Variants in HECW1 observed in about 807,000 individuals in gnomAD.
HECW1 encodes the protein HECT, C2 and WW domain containing E3 ubiquitin protein ligase 1, also known as E3 ubiquitin-protein ligase HECW1.
A neutral mutation model predicts 182.3 loss-of-function variants in HECW1; 61 were observed. The ratio of observed to expected loss-of-function variants is 0.33; its 90% CI spans 0.27 to 0.41. HECW1 has a LOEUF of 0.41. Ranked by LOEUF, HECW1 falls within the 10% of genes least tolerant of loss-of-function variation. HECW1 has a pLI of 1.00. For missense variants in HECW1, 1,739 were observed against 2,108.9 expected (o/e 0.82, Z 3.44); for synonymous variants, 859 against 832.6 (o/e 1.03, Z -0.55).
At chr7:43,252,166 T>A (rs1218447084) in intron 3 of HECW1, among the ~76,000 whole-genome samples, 1 of 152,168 alleles carries the variant, frequency 6.6e-6, no homozygotes, top group Non-Finnish European at 1.5e-5. Flanking sequence ...CTCATCACCC[T>A]TCCTTACTCC....
chr7:43,492,922 A>G (rs1242567963), intron 18 of HECW1, among the ~76,000 whole-genome samples, 162 bp from the exon 19 acceptor site: 1 of 152,184 alleles, frequency 6.6e-6, no homozygotes, highest in African/African-American at 2.4e-5. Flanking sequence ...TTATTATGTC[A>G]TATTTTAAAA....
At chr7:43,173,966 T>C (rs1791960261) in intron 2 of HECW1, among the ~76,000 whole-genome samples, 1 of 152,040 alleles carries the variant, frequency 6.6e-6, no homozygotes, top group Non-Finnish European at 1.5e-5. Flanking sequence ...GCTTCCCTAG[T>C]AGCTGGGACT....
At chr7:43,114,126 C>T in intron 1 of HECW1, 31 bp from the exon 2 acceptor site, 1 of 681,246 alleles carries the variant, frequency 1.5e-6, no homozygotes, top group Non-Finnish European at 2.2e-6. Context: ...GTGCAATTCT[C>T]CCCTTGTTTT....
chr7:43,463,451 A>C (rs1191121300), intron 13 of HECW1, among the ~76,000 whole-genome samples: 1 of 152,204 alleles, frequency 6.6e-6, no homozygotes, highest in East Asian at 1.9e-4. Flanking sequence ...CTTGAAACTC[A>C]TCATAGCTTG....
In HECW1 at chr7:43,130,796, G is replaced by A. The variant is rs78072289; in HGVS notation, c.-32+16405G>A. ...AATTTTCCACTTGTGGCATTATGTCGGCATTTAAAACATTTCAAACGTTGT... is the reference window on the plus strand; with the variant it reads ...AATTTTCCACTTGTGGCATTATGTCAGCATTTAAAACATTTCAAACGTTGT... On this transcript the variant is annotated intron_variant, in intron 2 of 29. Coordinates refer to ENST00000395891, the MANE Select transcript of HECW1 (RefSeq NM_015052.5). Among the ~76,000 whole-genome samples the A allele has an allele frequency of 1.9e-4, 29 of 152,178 alleles. No individual in the cohort carries two copies. In the East Asian group the frequency reaches 5.2e-3, roughly 27 times the overall value.
At chr7:43,182,926 T>A (rs1161642564) in intron 2 of HECW1, among the ~76,000 whole-genome samples, 1 of 88,322 alleles carries the variant, frequency 1.1e-5, no homozygotes, top group East Asian at 2.2e-4. Context: ...TAGAAATAGA[T>A]TTTTTTTTGG....
chr7:43,455,036 T>C (rs2152887544), intron 12 of HECW1, among the ~76,000 whole-genome samples: 1 of 152,358 alleles, frequency 6.6e-6, no homozygotes, highest in Admixed American at 6.5e-5. Context: ...CGTGAACACA[T>C]TGCTTCCAGC....
chr7:43,136,080 T>C (rs1224432613), intron 2 of HECW1, among the ~76,000 whole-genome samples: 1 of 152,066 alleles, frequency 6.6e-6, no homozygotes, highest in African/African-American at 2.4e-5. Flanking sequence ...CTTTTTTTTT[T>C]CTCAGTTTAT....
intron 5 of HECW1, among the ~76,000 whole-genome samples, chr7:43,338,214 T>C (rs945008364): frequency 1.3e-5 from 2 of 152,198 alleles, no homozygotes; most frequent in African/African-American, 4.8e-5. Flanking sequence ...TGGGATACCC[T>C]GCCTCCAGCC....
chr7:43,367,006 C>T (rs749145402), intron 6 of HECW1, among the ~76,000 whole-genome samples: 2 of 152,150 alleles, frequency 1.3e-5, no homozygotes, highest in Non-Finnish European at 2.9e-5. Context: ...ACTGTCTCTG[C>T]ACAAAGAGGG....
At chr7:43,228,563 A>G (rs1354297573) in intron 2 of HECW1, among the ~76,000 whole-genome samples, 1 of 152,212 alleles carries the variant, frequency 6.6e-6, no homozygotes, top group Non-Finnish European at 1.5e-5. Context: ...ATGGATCACC[A>G]GCTGGGTATA....
intron 2 of HECW1, among the ~76,000 whole-genome samples, chr7:43,221,480 GC>G (rs1796938751): frequency 7.0e-6 from 1 of 143,286 alleles, no homozygotes; most frequent in African/African-American, 2.5e-5. Flanking sequence ...GTAATGCTAA[GC>G]CTTGTGCACT....
At chr7:43,386,327 C>G (rs1271181675) in intron 6 of HECW1, among the ~76,000 whole-genome samples, 2 of 152,224 alleles carry the variant, frequency 1.3e-5, no homozygotes, top group East Asian at 1.9e-4. Context: ...TGGGGCCCAT[C>G]TTAGAATTCT....
chr7:43,405,622 G>A (rs1391335197), intron 7 of HECW1, among the ~76,000 whole-genome samples: 2 of 152,138 alleles, frequency 1.3e-5, no homozygotes, highest in Non-Finnish European at 2.9e-5. Context: ...CTGGTCATGT[G>A]TGCATCTTCT....
intron 6 of HECW1, among the ~76,000 whole-genome samples, chr7:43,361,625 T>C (rs1815922134): frequency 1.3e-5 from 2 of 152,152 alleles, no homozygotes; most frequent in African/African-American, 2.4e-5. Flanking sequence ...GCCATCTTCC[T>C]AAGTTACAAT....
chr7:43,445,072 G>A lies in HECW1; in HGVS notation c.1900G>A (p.Gly634Arg), dbSNP rs1022243886. The A allele has an allele frequency of 1.0e-5, 16 of 1,597,116 alleles. No individual in the cohort carries two copies. Among genetic ancestry groups the A allele is most frequent in the South Asian group, 2.2e-5 (2 of 89,534 alleles). Residue 634 changes from glycine to arginine, a missense_variant, in exon 11 of 30, where the codon GGG becomes AGG. Gly to Arg is a moderately radical substitution (Grantham distance 125). This residue lies in a region of HECW1 where 971 missense variants were observed against 1,029.1 expected (regional missense o/e 0.94). Coordinates refer to ENST00000395891, the MANE Select transcript of HECW1 (RefSeq NM_015052.5). ...AGGCACGGCGCACCCTGGCCACTCC[G>A]GGGGCCACTTCCCCAGCCTGGCCAA... ...TPGTAHPGHS[G>R]GHFPSLANGA...
intron 5 of HECW1, among the ~76,000 whole-genome samples, chr7:43,357,331 C>T (rs1379456732): frequency 6.6e-6 from 1 of 152,070 alleles, no homozygotes; most frequent in Non-Finnish European, 1.5e-5. Flanking sequence ...TCTAAGTACC[C>T]ATTAATAGAT....
intron 3 of HECW1, among the ~76,000 whole-genome samples, chr7:43,283,586 T>C (rs1411179068): frequency 6.6e-6 from 1 of 152,242 alleles, no homozygotes; most frequent in Non-Finnish European, 1.5e-5. Context: ...ATAAGCCACA[T>C]AAATAAAAGT....
chr7:43,133,411 C>T (rs867846498), intron 2 of HECW1, among the ~76,000 whole-genome samples: 1 of 151,818 alleles, frequency 6.6e-6, no homozygotes, highest in Non-Finnish European at 1.5e-5. Flanking sequence ...TGCCTTTTTC[C>T]GTATCAATCT....
Sources: gnomAD v4.1 joint callset for allele counts (sites outside exome capture counted in the v4.1 genomes callset) on GRCh38, gnomAD v4.1.1 for gene constraint, gnomAD v4.1.1 regional missense constraint, MANE v1.5 for transcripts, NCBI Gene and HGNC (gene_info 2026-07-23, HGNC 2026-07-21) for gene names.